PARP16: variants seen among roughly 807,000 people sequenced by gnomAD.
PARP16 encodes poly(ADP-ribose) polymerase family member 16.
A neutral mutation model predicts 35.0 loss-of-function variants in PARP16; 31 were observed. The ratio of observed to expected loss-of-function variants is 0.88; its 90% confidence interval spans 0.66 to 1.19. PARP16 has a LOEUF of 1.19. PARP16 is among the 50% of genes most tolerant of loss of function. PARP16 has a pLI of 0.00. For synonymous variants in PARP16, 162 were observed against 169.5 expected, an observed-to-expected ratio of 0.96 and a Z score of 0.34; for missense variants, 424 against 411.2, an observed-to-expected ratio of 1.03 and a Z score of -0.27.
intron 5 of PARP16, among the ~76,000 whole-genome samples, chr15:65,260,268 C>A (rs1415446715): frequency 6.6e-6 from 1 of 152,146 alleles, no homozygotes; most frequent in Non-Finnish European, 1.5e-5. Context: ...CAAGAAGCAC[C>A]ATCATGGATT....
At chr15:65,282,688 C>T (rs184561816) in intron 1 of PARP16, 2 of 152,288 alleles carry the variant, frequency 1.3e-5, no homozygotes, top group Admixed American at 6.5e-5. Flanking sequence ...TCTCCAGTAG[C>T]CCTCAAGAGA....
At chr15:65,280,572 T>C (rs1009033566) in intron 1 of PARP16, among the ~76,000 whole-genome samples, 5 of 151,666 alleles carry the variant, frequency 3.3e-5, no homozygotes, top group African/African-American at 1.2e-4. Context: ...AAAAGCAAAA[T>C]TTTAAAATTA....
Position 65,249,741 on chromosome 15 carries a change from G to A in PARP16, c.203-1513C>T, listed in dbSNP as rs375741650. 7.2e-4 allele frequency among the ~76,000 whole-genome samples: 109 copies of A among 152,268 alleles called. 1 individual carries two copies. The highest frequency in any genetic ancestry group is 2.6e-3 in the African/African-American group (106 of 41,478). ...CAAAAATTTCAACTTAATCAGAGCA[G>A]GCTGATAGCTTGAGCAGGCAGTGGG... is the stretch of plus-strand genomic sequence containing the variant. On this transcript the variant is annotated intron_variant and NMD_transcript_variant, in intron 2 of 3. Coordinates refer to the PARP16 transcript ENST00000559805.
intron 4 of PARP16, among the ~76,000 whole-genome samples, chr15:65,262,646 G>A (rs1055009973): frequency 5.3e-5 from 8 of 152,148 alleles, no homozygotes; most frequent in Non-Finnish European, 8.8e-5. Flanking sequence ...TCTGGCACAC[G>A]CCAGTGTAGA....
At chr15:65,285,873 T>C (rs2090577559) in intron 1 of PARP16, among the ~76,000 whole-genome samples, 1 of 152,216 alleles carries the variant, frequency 6.6e-6, no homozygotes, top group Admixed American at 6.5e-5. Flanking sequence ...TGGTGACTTT[T>C]TGGTGTCTAA....
chr15:65,269,176 TTTTCTTTCTTTC>T (rs58938798), intron 2 of PARP16, among the ~76,000 whole-genome samples: 7 of 146,054 alleles, frequency 4.8e-5, no homozygotes, highest in Admixed American at 1.4e-4. Flanking sequence ...TAGTCGGTTT[TTTTCTTTCTTTC>T]TTTCTTTCTT....
intron 1 of PARP16, among the ~76,000 whole-genome samples, chr15:65,274,428 T>G (rs1442396988): frequency 6.6e-6 from 1 of 151,622 alleles, no homozygotes; most frequent in Non-Finnish European, 1.5e-5. Flanking sequence ...CAAAAAAAAA[T>G]TATCCAGGCG....
At chr15:65,269,324 G>A (rs996274864) in intron 2 of PARP16, among the ~76,000 whole-genome samples, 44 of 152,144 alleles carry the variant, frequency 2.9e-4, no homozygotes, top group African/African-American at 9.6e-4. Flanking sequence ...AGCCTCCCAC[G>A]TAGCTGGGAT....
chr15:65,259,224 G>A lies in PARP16; in HGVS notation c.*183C>T, dbSNP rs2089616184. 1.5e-6 allele frequency: 1 copy of A among 651,236 alleles called. No individual in the cohort carries two copies. Among genetic ancestry groups the A allele is most frequent in the Admixed American group, 2.4e-5 (1 of 42,548 alleles). The allele number at this position is 651,236 out of a possible 1,614,324, so 40.3% of individuals were successfully genotyped here. ...GAGTGAGGGACTAGTAGTCCCCGTT[G>A]ACTGGAGTATGGCTGGGAACATCAT... On this transcript the variant is annotated 3_prime_UTR_variant, in exon 6 of 6. Coordinates refer to ENST00000649807, the MANE Select transcript of PARP16 (RefSeq NM_001316943.2).
chr15:65,233,685 G>A (rs980852487), downstream of PARP16, among the ~76,000 whole-genome samples: 1 of 145,878 alleles, frequency 6.9e-6, no homozygotes, highest in Non-Finnish European at 1.5e-5. Flanking sequence ...GCAGTGAGCC[G>A]GGACTATGCC....
intron 2 of PARP16, among the ~76,000 whole-genome samples, chr15:65,268,318 G>C (rs2089973410): frequency 6.6e-6 from 1 of 152,138 alleles, no homozygotes. Flanking sequence ...CCTCACAGAG[G>C]AAGGCTTCCA....
chr15:65,255,754 A>G (rs1053966271), downstream of PARP16, among the ~76,000 whole-genome samples: 5 of 151,088 alleles, frequency 3.3e-5, no homozygotes, highest in Non-Finnish European at 5.9e-5. Flanking sequence ...AAAAAAAAAA[A>G]AAAAAAAGAA....
intron 1 of PARP16, among the ~76,000 whole-genome samples, chr15:65,274,184 T>A (rs1018180570): frequency 2.0e-5 from 3 of 149,856 alleles, no homozygotes; most frequent in Admixed American, 6.6e-5. Flanking sequence ...ACTCAAGTGA[T>A]CCTCCTGCCT....
chr15:65,272,409 G>A (rs933204101), intron 1 of PARP16, among the ~76,000 whole-genome samples: 1 of 152,168 alleles, frequency 6.6e-6, no homozygotes, highest in African/African-American at 2.4e-5. Flanking sequence ...TAGCAACAAA[G>A]TATCTGTAGC....
chr15:65,263,435 C>T lies in PARP16; in HGVS notation c.520-115G>A, dbSNP rs952198790. The T allele has an allele frequency of 7.2e-5, 55 of 766,848 alleles. No homozygotes were observed. The African/African-American group carries it at 9.5e-4, about 13-fold the overall frequency. 47.5% of individuals were successfully genotyped at this position (766,848 alleles called of 1,614,324 possible). ...GTAAACACAAAATGTACAACCCCCG[C>T]TTTTTGCCCCAGCAAGACACAGGAT... On this transcript the variant is annotated intron_variant, in intron 3 of 5. Coordinates refer to ENST00000649807, the MANE Select transcript of PARP16 (RefSeq NM_001316943.2).
chr15:65,233,913 A>C (rs2088817125), downstream of PARP16, among the ~76,000 whole-genome samples: 1 of 152,078 alleles, frequency 6.6e-6, no homozygotes, highest in African/African-American at 2.4e-5. Flanking sequence ...CAGTGCAGTA[A>C]AAAAATTTTT....
At chr15:65,260,775 A>T in intron 5 of PARP16, 110 bp downstream of exon 5, 2 of 922,090 alleles carry the variant, frequency 2.2e-6, no homozygotes, top group Non-Finnish European at 3.5e-6. Context: ...TGCTTTACAT[A>T]CTTGACATCT....
intron 3 of PARP16, 61 bp downstream of exon 3, chr15:65,266,501 C>T: frequency 2.1e-6 from 3 of 1,402,144 alleles, no homozygotes; most frequent in Non-Finnish European, 3.0e-6. Flanking sequence ...ATCTCCCCCT[C>T]CCCACTCTCC....
intron 5 of PARP16, 135 bp from the exon 6 acceptor site, chr15:65,259,677 G>C: frequency 3.5e-6 from 3 of 851,738 alleles, no homozygotes; most frequent in Non-Finnish European, 5.5e-6. Flanking sequence ...ATGAAGCTTC[G>C]TGCTTCCTTG....
Sources: allele counts gnomAD v4.1 joint callset (sites outside exome capture counted in the v4.1 genomes callset), GRCh38; gene constraint gnomAD v4.1.1; transcripts MANE v1.5; gene names NCBI Gene and HGNC (gene_info 2026-07-23, HGNC 2026-07-21).